Variants in MND1 observed in about 807,000 individuals in gnomAD.
MND1 encodes the protein meiotic nuclear divisions 1.
Under a neutral mutation model 35.1 loss-of-function variants are expected in MND1, and 28 were observed. The observed-to-expected ratio is 0.80, with a 90% confidence interval of 0.59 to 1.09. MND1 has a LOEUF of 1.09. MND1 is among the 50% of genes least tolerant of loss of function. The pLI, the probability that MND1 is intolerant of heterozygous loss-of-function variation, is 0.00. For missense variants in MND1, 213 were observed against 239.6 expected (o/e 0.89, Z 0.73); for synonymous variants, 69 against 70.5 (o/e 0.98, Z 0.11).
At chr4:153,345,617 G>A in intron 1 of MND1, 1 of 823,002 alleles carries the variant, frequency 1.2e-6, no homozygotes, top group Non-Finnish European at 1.5e-6. Context: ...ATCAACATCT[G>A]GTTAAATGGA....
At chr4:153,366,214 A>C (rs1452030660) in intron 4 of MND1, among the ~76,000 whole-genome samples, 1 of 152,164 alleles carries the variant, frequency 6.6e-6, no homozygotes, top group Non-Finnish European at 1.5e-5. Flanking sequence ...ATGTGATTGC[A>C]TTTAGGATCT....
chr4:153,391,266 C>T (rs1355843077), intron 4 of MND1, among the ~76,000 whole-genome samples: 2 of 151,906 alleles, frequency 1.3e-5, no homozygotes, highest in Non-Finnish European at 2.9e-5. Flanking sequence ...CAGGTTCAAG[C>T]GATTCTTGTG....
At chr4:153,374,002 C>T (rs1303421816) in intron 4 of MND1, among the ~76,000 whole-genome samples, 1 of 152,096 alleles carries the variant, frequency 6.6e-6, no homozygotes, top group African/African-American at 2.4e-5. Context: ...AGAAAGCAGA[C>T]ATGGATGGAA....
chr4:153,398,650 G>C (rs1729265612), intron 6 of MND1, among the ~76,000 whole-genome samples: 1 of 152,208 alleles, frequency 6.6e-6, no homozygotes, highest in Non-Finnish European at 1.5e-5. Context: ...AGAACTCCCT[G>C]AGCCAGTCAT....
chr4:153,372,947 C>G (rs1773827166), intron 4 of MND1, among the ~76,000 whole-genome samples: 1 of 151,436 alleles, frequency 6.6e-6, no homozygotes, highest in Non-Finnish European at 1.5e-5. Flanking sequence ...CTTATTTATT[C>G]CAGGTAATAT....
intron 3 of MND1, among the ~76,000 whole-genome samples, chr4:153,356,174 G>A (rs1482641973): frequency 1.3e-5 from 2 of 152,066 alleles, no homozygotes; most frequent in Non-Finnish European, 2.9e-5. Flanking sequence ...TTTTGCTGTC[G>A]AAAACAATGT....
chr4:153,360,933 A>T (rs1038220189), intron 4 of MND1, among the ~76,000 whole-genome samples: 1 of 152,048 alleles, frequency 6.6e-6, no homozygotes, highest in African/African-American at 2.4e-5. Context: ...TCGACCTCCC[A>T]GGCCCAAGCC....
chr4:153,352,764 A>AC (rs1263235920), intron 2 of MND1, among the ~76,000 whole-genome samples: 4 of 151,704 alleles, frequency 2.6e-5, no homozygotes, highest in Non-Finnish European at 4.4e-5. Context: ...AAAAAAAAAA[A>AC]AAAACACAAC....
chr4:153,363,043 T>C, intron 4 of MND1: 1 of 984,502 alleles, frequency 1.0e-6, no homozygotes. Context: ...CCTTGTTATT[T>C]TCCATGGAGT....
chr4:153,384,384 C>T (rs1275561554), intron 4 of MND1, among the ~76,000 whole-genome samples: 3 of 145,214 alleles, frequency 2.1e-5, no homozygotes, highest in Non-Finnish European at 4.5e-5. Flanking sequence ...ATCCTCATTC[C>T]TCACCCTCTT....
intron 4 of MND1, among the ~76,000 whole-genome samples, chr4:153,360,815 A>G (rs1330801994): frequency 1.3e-5 from 2 of 151,456 alleles, no homozygotes; most frequent in African/African-American, 4.8e-5. Flanking sequence ...ACATATATAC[A>G]TATATACACA....
chr4:153,368,735 A>G (rs1579914123), intron 4 of MND1, among the ~76,000 whole-genome samples: 1 of 152,290 alleles, frequency 6.6e-6, no homozygotes, highest in African/African-American at 2.4e-5. Flanking sequence ...GCCTTATTTA[A>G]TCCAGTTTTA....
chr4:153,408,145 G>A (rs140151708), intron 6 of MND1, among the ~76,000 whole-genome samples: 25 of 152,226 alleles, frequency 1.6e-4, no homozygotes, highest in African/African-American at 5.5e-4. Context: ...TGGCGCATGC[G>A]TGTAGTCTCA....
chr4:153,361,506 C>T, intron 4 of MND1: 1 of 456,106 alleles, frequency 2.2e-6, no homozygotes, highest in Non-Finnish European at 4.4e-6. Context: ...TCTTTAGGAC[C>T]CTGGCTGCTG....
intron 1 of MND1, among the ~76,000 whole-genome samples, chr4:153,349,827 A>T (rs971524178): frequency 6.6e-6 from 1 of 152,222 alleles, no homozygotes; most frequent in Non-Finnish European, 1.5e-5. Flanking sequence ...TTTACTTTAT[A>T]AATGCTGAAT....
chr4:153,354,489 TTTTTG>T (rs372695915), intron 2 of MND1, among the ~76,000 whole-genome samples: 1 of 152,080 alleles, frequency 6.6e-6, no homozygotes, highest in African/African-American at 2.4e-5. Context: ...TTTGTTATTG[TTTTTG>T]TTTTGTTTTG....
chr4:153,371,848 T>C (rs1162043453), intron 4 of MND1, among the ~76,000 whole-genome samples: 1 of 152,166 alleles, frequency 6.6e-6, no homozygotes, highest in Non-Finnish European at 1.5e-5. Context: ...TTTTGGCTTT[T>C]GACTGTATCT....
rs1466955189 is a variant in MND1 at position 153,381,688 on chromosome 4, ATATATTTTTTTTTTTT to A, written c.277-12572_277-12557del. The A allele has an allele frequency of 9.9e-3, 242 of 24,372 alleles. 2 individuals carry two copies. The highest frequency in any genetic ancestry group is 0.081 in the South Asian group (48 of 590). The allele number at this position is 24,372 out of a possible 1,614,324, so 1.5% of individuals were successfully genotyped here. On this transcript the variant is annotated intron_variant, in intron 4 of 7. Coordinates refer to ENST00000240488, the MANE Select transcript of MND1 (RefSeq NM_032117.4). ...ATATAATATATATATATATATATATATATATTTTTTTTTTTTTTTTTTTTTTTTTTTTTTTAAGAGA... is the reference window on the plus strand; with the variant it reads ...ATATAATATATATATATATATATATATTTTTTTTTTTTTTTTTTTAAGAGA...
intron 4 of MND1, among the ~76,000 whole-genome samples, chr4:153,365,329 A>G (rs938270928): frequency 6.6e-6 from 1 of 152,184 alleles, no homozygotes; most frequent in Non-Finnish European, 1.5e-5. Context: ...TGCTCCCATG[A>G]TAGATAACTC....
Sources: allele counts gnomAD v4.1 joint callset (sites outside exome capture counted in the v4.1 genomes callset), GRCh38; gene constraint gnomAD v4.1.1; transcripts MANE v1.5; gene names NCBI Gene and HGNC (gene_info 2026-07-23, HGNC 2026-07-21).